Variants in TTBK2 observed in about 807,000 individuals in gnomAD.
TTBK2 encodes tau-tubulin kinase 2.
In TTBK2, 28 loss-of-function variants were observed where a neutral mutation model predicts 110.8. That is an observed-to-expected ratio of 0.25 (90% CI 0.19 to 0.35). The LOEUF is 0.35. Among genes scored for constraint, TTBK2 ranks in the 10% least tolerant of loss-of-function variants. The pLI is 1.00. For missense variants in TTBK2, 1,369 were observed against 1,500.3 expected (o/e 0.91, Z 1.45); for synonymous variants, 532 against 527.3 (o/e 1.01, Z -0.12).
At chr15:42,797,211 C>A (rs1890983530) in intron 9 of TTBK2, among the ~76,000 whole-genome samples, 1 of 152,254 alleles carries the variant, frequency 6.6e-6, no homozygotes, top group Non-Finnish European at 1.5e-5. Flanking sequence ...AGCACTTAGA[C>A]TGCCACTGCT....
chr15:42,878,477 ACCC>A, intron 2 of TTBK2, 69 bp downstream of exon 2: 1 of 1,581,420 alleles, frequency 6.3e-7, no homozygotes, highest in African/African-American at 1.4e-5. Context: ...ACCAAAAATT[ACCC>A]CCCGATATGT....
At chr15:42,768,199 G>A (rs1889479129) in intron 13 of TTBK2, among the ~76,000 whole-genome samples, 1 of 152,158 alleles carries the variant, frequency 6.6e-6, no homozygotes, top group Non-Finnish European at 1.5e-5. Context: ...TTGAAAACTG[G>A]CACAAGACAG....
chr15:42,812,724 G>A (rs1891775932), intron 7 of TTBK2, among the ~76,000 whole-genome samples: 1 of 151,904 alleles, frequency 6.6e-6, no homozygotes, highest in African/African-American at 2.4e-5. Context: ...ATGTTAAAAT[G>A]AAAAATGGAA....
At chr15:42,760,123 C>T (rs1417814428) in intron 13 of TTBK2, among the ~76,000 whole-genome samples, 2 of 152,180 alleles carry the variant, frequency 1.3e-5, no homozygotes, top group Middle Eastern at 3.4e-3. Context: ...TGGTGGCTCA[C>T]GCCTATAATA....
At chr15:42,855,848 C>T (rs1022671343) in intron 3 of TTBK2, among the ~76,000 whole-genome samples, 3 of 152,128 alleles carry the variant, frequency 2.0e-5, no homozygotes, top group Non-Finnish European at 4.4e-5. Context: ...CCTCGCCCGG[C>T]TAATTTTTTT....
At chr15:42,896,048 G>A (rs906128231) in intron 1 of TTBK2, among the ~76,000 whole-genome samples, 4 of 152,082 alleles carry the variant, frequency 2.6e-5, no homozygotes, top group Non-Finnish European at 5.9e-5. Flanking sequence ...AAGACAGGCC[G>A]GGTGTGGTGG....
At chr15:42,777,000 G>A in intron 12 of TTBK2, 31 bp downstream of exon 12, 1 of 1,593,360 alleles carries the variant, frequency 6.3e-7, no homozygotes, top group South Asian at 1.1e-5. Context: ...TACCTTAGAA[G>A]CTTTAAAAAG....
At chr15:42,874,005 T>C (rs1343411368) in intron 2 of TTBK2, among the ~76,000 whole-genome samples, 5 of 152,258 alleles carry the variant, frequency 3.3e-5, no homozygotes, top group Non-Finnish European at 5.9e-5. Context: ...TAATTATTTA[T>C]TTAATCATTC....
At chr15:42,783,331 T>C in intron 11 of TTBK2, 88 bp downstream of exon 11, 1 of 1,305,832 alleles carries the variant, frequency 7.7e-7, no homozygotes, top group Non-Finnish European at 1.1e-6. Flanking sequence ...CCTCACCAGA[T>C]ACCAAATCTG....
intron 1 of TTBK2, among the ~76,000 whole-genome samples, chr15:42,897,602 T>C (rs1240734231): frequency 6.6e-6 from 1 of 152,186 alleles, no homozygotes; most frequent in Non-Finnish European, 1.5e-5. Context: ...GATGCCATTA[T>C]TGATTAGCTG....
intron 13 of TTBK2, among the ~76,000 whole-genome samples, chr15:42,767,083 A>G (rs559684015): frequency 1.3e-5 from 2 of 152,368 alleles, no homozygotes; most frequent in East Asian, 3.9e-4. Flanking sequence ...CTTTGAAACC[A>G]GTGAGAACAA....
intron 9 of TTBK2, among the ~76,000 whole-genome samples, chr15:42,796,656 T>C (rs566993774): frequency 6.6e-6 from 1 of 152,324 alleles, no homozygotes; most frequent in African/African-American, 2.4e-5. Flanking sequence ...CAGTTGTAAA[T>C]GTATAGTTAT....
intron 3 of TTBK2, among the ~76,000 whole-genome samples, chr15:42,841,860 C>A (rs1893235631): frequency 6.6e-6 from 1 of 152,072 alleles, no homozygotes; most frequent in South Asian, 2.1e-4. Flanking sequence ...TTAAGGGATA[C>A]TAAAATGTTG....
chr15:42,872,556 A>G, intron 3 of TTBK2, 55 bp downstream of exon 3: 1 of 1,583,260 alleles, frequency 6.3e-7, no homozygotes, highest in East Asian at 2.3e-5. Context: ...GAAGATACAA[A>G]TAAATTATAA....
chr15:42,913,981 C>G (rs1200533353), intron 1 of TTBK2, among the ~76,000 whole-genome samples: 2 of 143,698 alleles, frequency 1.4e-5, no homozygotes, highest in Non-Finnish European at 3.1e-5. Flanking sequence ...TATTAACTTC[C>G]TTTTTTTTTT....
chr15:42,752,899 G>T lies in TTBK2; in HGVS notation c.2347C>A (p.Leu783Ile). ...LPGETEEKSILLESDNEDEKL... is the reference protein window; with the variant it reads ...LPGETEEKSIILESDNEDEKL... ...TCATCTTCATTATCTGACTCTAAAAGGATGCTTTTCTCTTCAGTTTCCCCA... is the reference window on the plus strand; with the variant it reads ...TCATCTTCATTATCTGACTCTAAAATGATGCTTTTCTCTTCAGTTTCCCCA... The change falls in exon 14 of 15, where the codon CTT becomes ATT. Residue 783 changes from leucine to isoleucine, a missense_variant. Physicochemically the swap from Leu to Ile is conservative, Grantham distance 5. Transcript: ENST00000267890. The T allele has an allele frequency of 1.2e-6, 2 of 1,614,146 alleles. No homozygotes were observed. Among genetic ancestry groups the T allele is most frequent in the Non-Finnish European group, 1.7e-6 (2 of 1,180,014 alleles).
chr15:42,855,114 T>C (rs548794196), intron 3 of TTBK2: 39 of 152,282 alleles, frequency 2.6e-4, no homozygotes, highest in African/African-American at 9.1e-4. Context: ...TCTCACTCTG[T>C]TACCCAGGCT....
chr15:42,819,539 T>A (rs1004158894), intron 6 of TTBK2, among the ~76,000 whole-genome samples: 6 of 152,242 alleles, frequency 3.9e-5, no homozygotes, highest in African/African-American at 1.4e-4. Flanking sequence ...ACAACTATTT[T>A]AAAATATTCT....
Position 42,878,822 on chromosome 15 carries a change from T to C in TTBK2, c.-67-138A>G, listed in dbSNP as rs8036096. ...TGTTGGGAAGAAGGGGAAAAAGACC[T>C]AGAAATGTTTGATGCGTATTTTTAA... On this transcript the variant is annotated intron_variant, in intron 1 of 14. Transcript: ENST00000267890. 0.33 allele frequency: 356,780 copies of C among 1,076,500 alleles called. 71,034 individuals carry two copies. Among genetic ancestry groups the C allele is most frequent in the African/African-American group, 0.83 (51,244 of 61,940 alleles). 66.7% of individuals were successfully genotyped at this position (1,076,500 alleles called of 1,614,324 possible). A position where few individuals can be genotyped will look rare whatever the true frequency, so the allele number is the denominator to read the frequency against.
Sources: allele counts gnomAD v4.1 joint callset (sites outside exome capture counted in the v4.1 genomes callset), GRCh38; gene constraint gnomAD v4.1.1; transcripts MANE v1.5; gene names NCBI Gene and HGNC (gene_info 2026-07-23, HGNC 2026-07-21).